The following NBEAL1 variants were observed in gnomAD, a reference collection of about 807,000 sequenced individuals.
The protein encoded by NBEAL1 is neurobeachin-like protein 1.
NBEAL1 carries 273 observed loss-of-function variants against 351.3 expected under a neutral mutation model. The observed-to-expected ratio is 0.78, with a 90% CI of 0.70 to 0.86. The LOEUF (loss-of-function observed/expected upper bound fraction) is 0.86, where lower values mean the gene tolerates loss of function less well. Ranked by LOEUF, NBEAL1 falls within the 40% of genes least tolerant of loss-of-function variation. The probability of loss-of-function intolerance (pLI) is 0.00; values close to 1 mark genes in which losing one functional copy is unlikely to be tolerated. For synonymous variants in NBEAL1, 1,050 were observed against 1,086.4 expected (o/e 0.97, Z 0.66); for missense variants, 2,961 against 3,201.3 (o/e 0.92, Z 1.81).
Position 203,097,616 on chromosome 2 carries a change from G to A in NBEAL1, c.1168G>A (p.Glu390Lys). The change falls in exon 11 of 56, where the codon GAA becomes AAA. Residue 390 changes from glutamate to lysine, a missense_variant. Physicochemically the swap from Glu to Lys is moderately conservative, Grantham distance 56. Coordinates refer to ENST00000683969, the MANE Select transcript of NBEAL1 (RefSeq NM_001378026.1). ...AGACCTTGCCAACAAATTACTGACAGAAATGAATGAGGACCAGGTATCTAC... is the reference window on the plus strand; with the variant it reads ...AGACCTTGCCAACAAATTACTGACAAAAATGAATGAGGACCAGGTATCTAC... The part of the protein sequence containing the change: ...EKDLANKLLT[E>K]MNEDQVFQGQ... The A allele has an allele frequency of 1.0e-6, 1 of 985,508 alleles. No homozygotes were observed. Among genetic ancestry groups the A allele is most frequent in the Non-Finnish European group, 1.2e-6 (1 of 829,618 alleles). 61.0% of individuals were successfully genotyped at this position (985,508 alleles called of 1,614,324 possible).
intron 11 of NBEAL1, among the ~76,000 whole-genome samples, chr2:203,098,814 T>A (rs1490628164): frequency 6.6e-6 from 1 of 150,464 alleles, no homozygotes; most frequent in East Asian, 1.9e-4. Context: ...ATAGATATAT[T>A]TAATTGTTTA....
chr2:203,122,452 T>C, intron 19 of NBEAL1, 109 bp downstream of exon 19: 1 of 665,174 alleles, frequency 1.5e-6, no homozygotes, highest in Admixed American at 3.3e-5. Flanking sequence ...TAGGTCTCAG[T>C]TAAAGGGTTA....
intron 12 of NBEAL1, among the ~76,000 whole-genome samples, chr2:203,102,073 T>C (rs980418793): frequency 6.6e-6 from 1 of 152,232 alleles, no homozygotes; most frequent in South Asian, 2.1e-4. Flanking sequence ...TTGTGGTAAT[T>C]GTTAATGGGA....
At chr2:203,130,246 G>A in intron 24 of NBEAL1, 72 bp from the exon 25 acceptor site, 1 of 1,323,852 alleles carries the variant, frequency 7.6e-7, no homozygotes, top group South Asian at 1.6e-5. Context: ...AATAACTTTT[G>A]TGGCTTATGA....
At chr2:203,132,280 G>A (rs1363397580) in intron 26 of NBEAL1, 148 bp downstream of exon 26, 2 of 579,202 alleles carry the variant, frequency 3.5e-6, no homozygotes, top group Non-Finnish European at 5.9e-6. Context: ...TAGTTTTGTT[G>A]TTTTTGTCTC....
chr2:203,178,161 T>A (rs944975442), intron 42 of NBEAL1, among the ~76,000 whole-genome samples: 25 of 149,886 alleles, frequency 1.7e-4, no homozygotes, highest in Non-Finnish European at 3.4e-4. Flanking sequence ...TTTTTTTTTC[T>A]TTTTTCTTTT....
intron 31 of NBEAL1, among the ~76,000 whole-genome samples, chr2:203,140,103 C>A (rs2063329169): frequency 6.6e-6 from 1 of 151,568 alleles, no homozygotes; most frequent in Non-Finnish European, 1.5e-5. Flanking sequence ...AAGTTTGAGA[C>A]CAGCCTGACC....
chr2:203,105,307 A>T (rs2062411213), intron 12 of NBEAL1, among the ~76,000 whole-genome samples: 1 of 152,054 alleles, frequency 6.6e-6, no homozygotes, highest in Admixed American at 6.5e-5. Context: ...CTAAAAAAAA[A>T]ATACAAAAAT....
At chr2:203,083,109 G>T in intron 8 of NBEAL1, 110 bp from the exon 9 acceptor site, 1 of 924,144 alleles carries the variant, frequency 1.1e-6, no homozygotes, top group Non-Finnish European at 1.6e-6. Context: ...AAATTTTTAT[G>T]TCTTTATTAA....
intron 51 of NBEAL1, among the ~76,000 whole-genome samples, chr2:203,206,861 G>A (rs7566196): frequency 6.7e-6 from 1 of 148,890 alleles, no homozygotes; most frequent in East Asian, 2.0e-4. Context: ...AAGTGAGGAG[G>A]GTCTCTGCCT....
intron 46 of NBEAL1, among the ~76,000 whole-genome samples, chr2:203,192,295 A>G (rs779747729): frequency 5.3e-5 from 8 of 152,162 alleles, no homozygotes; most frequent in Non-Finnish European, 8.8e-5. Flanking sequence ...TTGTTTTACA[A>G]GTGGTGCTAA....
rs1224596715 is a variant in NBEAL1 at position 203,218,901 on chromosome 2, A to G, written c.*1547A>G. 43 of 152,338 alleles carry G rather than the reference A, an allele frequency of 2.8e-4. No homozygotes were observed. The highest frequency in any genetic ancestry group is 2.8e-3 in the Admixed American group (43 of 15,298). The allele number at this position is 152,338 out of a possible 1,614,324, so 9.4% of individuals were successfully genotyped here. ...CTGTTTTATTAAGGAAAAAATAGCT[A>G]TGTTTTAGGTAAATAACTCTGAAAT... On this transcript the variant is annotated 3_prime_UTR_variant, in exon 56 of 56. Coordinates refer to ENST00000683969, the MANE Select transcript of NBEAL1 (RefSeq NM_001378026.1).
chr2:203,145,116 C>G lies in NBEAL1; in HGVS notation c.5260C>G (p.His1754Asp), dbSNP rs1218821558. ...TTATGAAGCTTTAATGGTAAATATG[C>G]ATAAACGAGACCGGGAAGGAGGGGA... ...DCYEALMVNM[H>D]KRDREGGESK... The change falls in exon 33 of 56, where the codon CAT becomes GAT. Residue 1754 changes from histidine (H) to aspartate (D), a missense_variant. His to Asp is a moderately conservative substitution (Grantham distance 81). Transcript: ENST00000683969. 1 of 1,611,600 alleles carries G rather than the reference C, an allele frequency of 6.2e-7. No individual in the cohort carries two copies. Among genetic ancestry groups the G allele is most frequent in the Non-Finnish European group, 8.5e-7 (1 of 1,179,368 alleles).
chr2:203,041,721 TC>T, intron 2 of NBEAL1, 43 bp from the exon 3 acceptor site: 3 of 1,335,382 alleles, frequency 2.2e-6, no homozygotes, highest in East Asian at 2.5e-5. Context: ...ATTTTTTTTT[TC>T]CTGATAGGCA....
chr2:203,082,966 A>G (rs918205673), intron 8 of NBEAL1, among the ~76,000 whole-genome samples: 38 of 152,206 alleles, frequency 2.5e-4, no homozygotes, highest in African/African-American at 8.9e-4. Flanking sequence ...GTCTACTACC[A>G]TATATCCTTG....
Position 203,107,484 on chromosome 2 carries a change from C to A in NBEAL1, c.1334C>A (p.Pro445Gln). 1.3e-6 allele frequency: 2 copies of A among 1,551,336 alleles called. No homozygotes were observed. Among genetic ancestry groups the A allele is most frequent in the Non-Finnish European group, 1.7e-6 (2 of 1,146,358 alleles). Residue 445 changes from proline to glutamine, a missense_variant, in exon 13 of 56, where the codon CCA (proline) becomes CAA (glutamine). Physicochemically the swap from Pro to Gln is moderately conservative, Grantham distance 76. Transcript: ENST00000683969. ...MLEVLKSLGQ[P>Q]PLELLKELMN... is the part of the protein sequence containing the mutation. ...GAAGTATTAAAATCCCTGGGTCAGCCACCACTGGAATTACTTAAAGAACTT... is the reference window on the plus strand; with the variant it reads ...GAAGTATTAAAATCCCTGGGTCAGCAACCACTGGAATTACTTAAAGAACTT...
chr2:203,129,655 G>A (rs1294878121), intron 24 of NBEAL1, among the ~76,000 whole-genome samples: 1 of 151,918 alleles, frequency 6.6e-6, no homozygotes, highest in Non-Finnish European at 1.5e-5. Context: ...ATGGGGCAGG[G>A]GTCAATAAGA....
At chr2:203,042,881 T>C (rs1354955079) in intron 3 of NBEAL1, among the ~76,000 whole-genome samples, 1 of 152,148 alleles carries the variant, frequency 6.6e-6, no homozygotes, top group Non-Finnish European at 1.5e-5. Flanking sequence ...CCACTGCCCC[T>C]TGGCCAATGC....
In NBEAL1 at chr2:203,119,449, C is replaced by T. The variant is rs1168730670; in HGVS notation, c.2593-2805C>T. ...CTTTTTTTTTTTTTTTTTTTTGAGA[C>T]GGAGTCTCGCTCTGTTGCCAGGCTG... On this transcript the variant is annotated intron_variant, in intron 18 of 55. Transcript: ENST00000683969. Among the ~76,000 whole-genome samples the T allele has an allele frequency of 1.5e-3, 10 of 6,530 alleles. No homozygotes were observed. The East Asian group carries it at 0.034, about 22-fold the overall frequency. 4.3% of individuals were successfully genotyped at this position (6,530 alleles called of 152,430 possible).
Sources: gnomAD v4.1 joint callset for allele counts (sites outside exome capture counted in the v4.1 genomes callset) on GRCh38, gnomAD v4.1.1 for gene constraint, MANE v1.5 for transcripts, NCBI Gene and HGNC (gene_info 2026-07-23, HGNC 2026-07-21) for gene names.